The following PRTG variants were observed in gnomAD, a reference collection of about 807,000 sequenced individuals.
PRTG encodes protogenin.
PRTG carries 67 observed loss-of-function variants against 122.5 expected under a neutral mutation model. That is an observed-to-expected ratio of 0.55 (90% CI 0.45 to 0.67). PRTG has a LOEUF of 0.67. Among genes scored for constraint, PRTG ranks in the 30% least tolerant of loss-of-function variants. The pLI is 0.00. For synonymous variants in PRTG, 554 were observed against 501.1 expected (o/e 1.11, Z -1.41); for missense variants, 1,435 against 1,415.4 (o/e 1.01, Z -0.22).
At chr15:55,673,326 A>C in intron 10 of PRTG, 45 bp downstream of exon 10, 2 of 1,387,310 alleles carry the variant, frequency 1.4e-6, no homozygotes, top group Non-Finnish European at 2.0e-6. Context: ...AACTTGATTC[A>C]AAAGTAAAAA....
At chr15:55,670,151 T>C (rs1293422146) in intron 11 of PRTG, among the ~76,000 whole-genome samples, 2 of 152,154 alleles carry the variant, frequency 1.3e-5, no homozygotes, top group African/African-American at 4.8e-5. Flanking sequence ...TGTGTGTGTA[T>C]ATATATGCAT....
intron 18 of PRTG, 134 bp from the exon 19 acceptor site, chr15:55,620,901 G>C: frequency 1.3e-6 from 1 of 777,792 alleles, no homozygotes; most frequent in South Asian, 1.9e-5. Flanking sequence ...TTTAGATTCA[G>C]GGAGTACATG....
intron 18 of PRTG, among the ~76,000 whole-genome samples, chr15:55,621,583 C>T (rs564141513): frequency 1.4e-5 from 2 of 146,496 alleles, no homozygotes; most frequent in South Asian, 4.5e-4. Context: ...GGTGTGAACC[C>T]GGGGCCGAGA....
At chr15:55,692,408 G>A (rs1204263704) in intron 2 of PRTG, among the ~76,000 whole-genome samples, 4 of 152,166 alleles carry the variant, frequency 2.6e-5, no homozygotes, top group Non-Finnish European at 4.4e-5. Context: ...TTGGCTCAGA[G>A]GTATTCAGGG....
At chr15:55,660,850 G>A (rs2059405841) in intron 11 of PRTG, among the ~76,000 whole-genome samples, 1 of 152,182 alleles carries the variant, frequency 6.6e-6, no homozygotes, top group Non-Finnish European at 1.5e-5. Context: ...ATACATAGTA[G>A]AAAGCTATTA....
At chr15:55,710,674 C>T (rs1182750021) in intron 2 of PRTG, among the ~76,000 whole-genome samples, 5 of 151,674 alleles carry the variant, frequency 3.3e-5, no homozygotes, top group African/African-American at 9.7e-5. Context: ...ATTTTTGATA[C>T]CTCTAAAAGC....
At position 55,613,758 on chromosome 15, in the gene PRTG, C is replaced by T. The variant is rs958806643; in HGVS notation, c.*6254G>A. 1 of 118,414 alleles carries T rather than the reference C, an allele frequency of 8.4e-6. No homozygotes were observed. Among genetic ancestry groups the T allele is most frequent in the Non-Finnish European group, 1.8e-5 (1 of 55,250 alleles). The allele number at this position is 118,414 out of a possible 1,614,324, so 7.3% of individuals were successfully genotyped here. ...CACTATGACCCTGGGTGATTAAATA[C>T]CTTTTTTTTTTTTTTTTTTTTTTAA... On this transcript the variant is annotated 3_prime_UTR_variant, in exon 20 of 20. Coordinates refer to ENST00000389286, the MANE Select transcript of PRTG (RefSeq NM_173814.6).
At chr15:55,731,649 G>T (rs2031238238) in intron 2 of PRTG, among the ~76,000 whole-genome samples, 1 of 152,238 alleles carries the variant, frequency 6.6e-6, no homozygotes, top group East Asian at 1.9e-4. Context: ...GATTACAGGC[G>T]TGAGCCACCA....
chr15:55,731,386 T>TTC (rs2031227213), intron 2 of PRTG, among the ~76,000 whole-genome samples: 1 of 149,660 alleles, frequency 6.7e-6, no homozygotes, highest in African/African-American at 2.5e-5. Flanking sequence ...TTTTTTTTTT[T>TTC]TGGAGATGCA....
At chr15:55,723,294 A>G (rs1227401459) in intron 2 of PRTG, among the ~76,000 whole-genome samples, 3 of 152,088 alleles carry the variant, frequency 2.0e-5, no homozygotes, top group Non-Finnish European at 4.4e-5. Flanking sequence ...TTAAGATAAT[A>G]GTATAATTAA....
intron 1 of PRTG, chr15:55,742,418 G>A (rs1242655087): frequency 1.8e-5 from 3 of 163,554 alleles, no homozygotes; most frequent in East Asian, 3.5e-4. Context: ...TGCCACTAAG[G>A]AAACAATATA....
chr15:55,742,787 G>A, intron 1 of PRTG, 51 bp downstream of exon 1: 2 of 1,535,582 alleles, frequency 1.3e-6, no homozygotes, highest in Non-Finnish European at 8.8e-7. Flanking sequence ...TCCCACTCGC[G>A]CCCGCTCCCG....
At chr15:55,647,780 C>A (rs578197049) in intron 11 of PRTG, among the ~76,000 whole-genome samples, 37 of 152,284 alleles carry the variant, frequency 2.4e-4, no homozygotes, top group Non-Finnish European at 4.1e-4. Flanking sequence ...GATCTCTGTT[C>A]GTTCATACAA....
intron 2 of PRTG, among the ~76,000 whole-genome samples, chr15:55,690,726 A>T (rs1343714704): frequency 1.3e-5 from 2 of 152,238 alleles, no homozygotes; most frequent in Non-Finnish European, 2.9e-5. Flanking sequence ...CCAAATTATA[A>T]AAGCAAATAA....
chr15:55,651,277 T>C (rs1319240119), intron 11 of PRTG, among the ~76,000 whole-genome samples: 1 of 151,908 alleles, frequency 6.6e-6, no homozygotes, highest in Non-Finnish European at 1.5e-5. Flanking sequence ...ATGGGAGATA[T>C]GAATACATAC....
At chr15:55,681,653 A>G (rs570167974) in intron 4 of PRTG, among the ~76,000 whole-genome samples, 3 of 152,090 alleles carry the variant, frequency 2.0e-5, no homozygotes, top group Non-Finnish European at 4.4e-5. Flanking sequence ...TATATTTTCT[A>G]TTTTCATAAA....
chr15:55,730,575 C>T (rs557502815), intron 2 of PRTG, among the ~76,000 whole-genome samples: 8 of 152,134 alleles, frequency 5.3e-5, no homozygotes, highest in South Asian at 4.2e-4. Flanking sequence ...CCCAGGCGGG[C>T]GGATCACACG....
chr15:55,625,145 C>T (rs1048982306), intron 17 of PRTG, among the ~76,000 whole-genome samples: 16 of 150,718 alleles, frequency 1.1e-4, no homozygotes, highest in Admixed American at 1.3e-4. Context: ...TTTTTTAATT[C>T]AAAAAAATAG....
At chr15:55,626,700 G>A (rs2059196938) in intron 17 of PRTG, among the ~76,000 whole-genome samples, 1 of 151,926 alleles carries the variant, frequency 6.6e-6, no homozygotes, top group Admixed American at 6.6e-5. Context: ...GATGCTTGCA[G>A]TGAGCCGAGA....
Sources: allele counts gnomAD v4.1 joint callset (sites outside exome capture counted in the v4.1 genomes callset), GRCh38; gene constraint gnomAD v4.1.1; transcripts MANE v1.5; gene names NCBI Gene and HGNC (gene_info 2026-07-23, HGNC 2026-07-21).